AKR1C1: variants seen among roughly 807,000 people sequenced by gnomAD.
The protein encoded by AKR1C1 is 20 alpha-hydroxysteroid dehydrogenase.
Under a neutral mutation model 40.6 loss-of-function variants are expected in AKR1C1, and 32 were observed. The observed-to-expected ratio is 0.79, with a 90% CI of 0.60 to 1.06. The LOEUF is 1.06. Ranked by LOEUF, AKR1C1 falls within the 50% of genes least tolerant of loss-of-function variation. The pLI, the probability that AKR1C1 is intolerant of heterozygous loss-of-function variation, is 0.00. For synonymous variants in AKR1C1, 105 were observed against 134.2 expected, an observed-to-expected ratio of 0.78 and a Z score of 1.50; for missense variants, 320 against 363.5, an observed-to-expected ratio of 0.88 and a Z score of 0.97.
At chr10:4,972,552 C>G in intron 6 of AKR1C1, 32 bp from the exon 7 acceptor site, 2 of 1,611,168 alleles carry the variant, frequency 1.2e-6, no homozygotes, top group Non-Finnish European at 1.7e-6. Context: ...TCCCCAGCCT[C>G]AGGGCCTCAG....
intron 7 of AKR1C1, among the ~76,000 whole-genome samples, chr10:4,973,799 T>A (rs539400030): frequency 2.6e-5 from 4 of 152,120 alleles, no homozygotes; most frequent in African/African-American, 9.6e-5. Flanking sequence ...TGAATATATA[T>A]AAATTGATAT....
chr10:4,964,641 C>T (rs187053210), intron 1 of AKR1C1, among the ~76,000 whole-genome samples: 14 of 152,282 alleles, frequency 9.2e-5, no homozygotes, highest in Middle Eastern at 3.4e-3. Flanking sequence ...AAATTTGTTA[C>T]GTAAGTCAAT....
chr10:4,974,253 A>G (rs1588563504), intron 7 of AKR1C1, among the ~76,000 whole-genome samples: 1 of 151,964 alleles, frequency 6.6e-6, no homozygotes, highest in Non-Finnish European at 1.5e-5. Flanking sequence ...ATATAGATAT[A>G]TGACATATGT....
chr10:4,977,643 C>A, intron 8 of AKR1C1, 57 bp from the exon 9 acceptor site: 1 of 1,611,632 alleles, frequency 6.2e-7, no homozygotes, highest in East Asian at 2.2e-5. Flanking sequence ...CACTGCACTA[C>A]CCGCTAGTAA....
intron 8 of AKR1C1, among the ~76,000 whole-genome samples, chr10:4,977,420 G>A (rs1306182965): frequency 6.6e-6 from 1 of 150,440 alleles, no homozygotes; most frequent in Non-Finnish European, 1.5e-5. Flanking sequence ...ATATCTCTTT[G>A]CTCTGTTGAC....
chr10:4,982,668 C>T lies in AKR1C1; in HGVS notation c.*4926C>T, dbSNP rs1487759654. 2.1e-5 allele frequency: 6 copies of T among 290,466 alleles called. No homozygotes were observed. The highest frequency in any genetic ancestry group is 2.0e-5 in the Non-Finnish European group (3 of 149,076). The allele number at this position is 290,466 out of a possible 1,614,324, so 18.0% of individuals were successfully genotyped here. On this transcript the variant is annotated 3_prime_UTR_variant, in exon 9 of 9. Transcript: ENST00000380872. Reference sequence around the variant, plus strand: ...TTAGGAGCTTCATAGCCCCTCTTCCCCCATTGCCTGAGAAACCACTTTCCC... The same window carrying T: ...TTAGGAGCTTCATAGCCCCTCTTCCTCCATTGCCTGAGAAACCACTTTCCC...
chr10:4,970,634 A>C (rs1370827454), intron 5 of AKR1C1, among the ~76,000 whole-genome samples: 1 of 152,192 alleles, frequency 6.6e-6, no homozygotes, highest in Non-Finnish European at 1.5e-5. Context: ...GCAGCCATAA[A>C]AAATGATGAG....
In AKR1C1 at chr10:4,982,583, C is replaced by G. The variant is rs1237982467; in HGVS notation, c.*4841C>G. Reference sequence around the variant, plus strand: ...CAGTTAGAGTGCAGACCCACCTAACCCTGGACCCACTGGTGGTACCCATCC... The same window carrying G: ...CAGTTAGAGTGCAGACCCACCTAACGCTGGACCCACTGGTGGTACCCATCC... On this transcript the variant is annotated 3_prime_UTR_variant, in exon 9 of 9. Coordinates refer to ENST00000380872, the MANE Select transcript of AKR1C1 (RefSeq NM_001353.6). 2 of 216,716 alleles carry G rather than the reference C, an allele frequency of 9.2e-6. No homozygotes were observed. Among genetic ancestry groups the G allele is most frequent in the Non-Finnish European group, 1.9e-5 (2 of 108,102 alleles). 13.4% of individuals were successfully genotyped at this position (216,716 alleles called of 1,614,324 possible).
At position 4,977,958 on chromosome 10, in the gene AKR1C1, C is replaced by A; in HGVS notation, c.*216C>A. 1.6e-6 allele frequency: 1 copy of A among 627,092 alleles called. No homozygotes were observed. Among genetic ancestry groups the A allele is most frequent in the East Asian group, 3.2e-5 (1 of 31,546 alleles). 38.8% of individuals were successfully genotyped at this position (627,092 alleles called of 1,614,324 possible). On this transcript the variant is annotated 3_prime_UTR_variant, in exon 9 of 9. Transcript: ENST00000380872. ...AATTAAATGCTCTCTCCTAAAGATTCTTCACCTACTTTGGTCTCCATAACT... is the reference window on the plus strand; with the variant it reads ...AATTAAATGCTCTCTCCTAAAGATTATTCACCTACTTTGGTCTCCATAACT...
intron 2 of AKR1C1, 119 bp downstream of exon 2, chr10:4,966,200 C>T (rs1457237868): frequency 1.6e-5 from 24 of 1,484,572 alleles, no homozygotes; most frequent in Non-Finnish European, 2.2e-5. Flanking sequence ...ACGATTTATT[C>T]ACACTTACTC....
chr10:4,977,648 T>C (rs1836546868), intron 8 of AKR1C1, 52 bp from the exon 9 acceptor site: 22 of 1,611,952 alleles, frequency 1.4e-5, no homozygotes, highest in Non-Finnish European at 1.8e-5. Flanking sequence ...CACTACCCGC[T>C]AGTAACGGAG....
At chr10:4,970,496 C>G (rs1836406043) in intron 5 of AKR1C1, among the ~76,000 whole-genome samples, 2 of 151,904 alleles carry the variant, frequency 1.3e-5, no homozygotes, top group South Asian at 2.1e-4. Context: ...CAAATTGCAC[C>G]ACACTAGACT....
At position 4,979,565 on chromosome 10, in the gene AKR1C1, G is replaced by A. The variant is rs539385913; in HGVS notation, c.*1823G>A. 6.6e-6 allele frequency: 1 copy of A among 152,086 alleles called. No homozygotes were observed. Among genetic ancestry groups the A allele is most frequent in the Non-Finnish European group, 1.5e-5 (1 of 68,038 alleles). 9.4% of individuals were successfully genotyped at this position (152,086 alleles called of 1,614,324 possible). On this transcript the variant is annotated 3_prime_UTR_variant, in exon 9 of 9. Coordinates refer to ENST00000380872, the MANE Select transcript of AKR1C1 (RefSeq NM_001353.6). ...TTTTGTTAAAAGTTAGTAGTGAAGT[G>A]TGTAACGCTTAAGCAAACTTTCATA...
At chr10:4,967,430 C>G (rs1422384217) in intron 3 of AKR1C1, 1 of 1,003,104 alleles carries the variant, frequency 1.0e-6, no homozygotes, top group African/African-American at 1.7e-5. Context: ...GAGTTTCCAT[C>G]TTCTTGCCTC....
chr10:4,981,737 G>T lies in AKR1C1; in HGVS notation c.*3995G>T, dbSNP rs1294200042. ...TCTGGAAATTCAGGCCACAAGAGAA[G>T]GCTTTGATCCTGTGCGGACAAGTGC... On this transcript the variant is annotated 3_prime_UTR_variant, in exon 9 of 9. Transcript: ENST00000380872. 4 of 151,466 alleles carry T rather than the reference G, an allele frequency of 2.6e-5. No individual in the cohort carries two copies. Among genetic ancestry groups the T allele is most frequent in the African/African-American group, 9.7e-5 (4 of 41,354 alleles). 9.4% of individuals were successfully genotyped at this position (151,466 alleles called of 1,614,324 possible).
At chr10:4,969,822 A>T in intron 5 of AKR1C1, 1 of 1,417,296 alleles carries the variant, frequency 7.1e-7, no homozygotes, top group South Asian at 1.3e-5. Flanking sequence ...GTTTTATTTT[A>T]TGTTTTAAAA....
intron 5 of AKR1C1, among the ~76,000 whole-genome samples, chr10:4,970,165 C>T (rs886682279): frequency 3.3e-5 from 5 of 152,268 alleles, no homozygotes; most frequent in Middle Eastern, 3.4e-3. Flanking sequence ...CTAGAGACCT[C>T]TCAAAGCATG....
At chr10:4,976,186 AT>A (rs746409968) in intron 8 of AKR1C1, among the ~76,000 whole-genome samples, 132 of 151,980 alleles carry the variant, frequency 8.7e-4, no homozygotes, top group Middle Eastern at 6.8e-3. Context: ...AGCAGCCAAG[AT>A]CATTGCTGAA....
At chr10:4,964,388 T>A (rs1332170666) in intron 1 of AKR1C1, among the ~76,000 whole-genome samples, 1 of 152,132 alleles carries the variant, frequency 6.6e-6, no homozygotes, top group Non-Finnish European at 1.5e-5. Flanking sequence ...GTAATATAAA[T>A]TGACATGGAG....
Sources: allele counts gnomAD v4.1 joint callset (sites outside exome capture counted in the v4.1 genomes callset), GRCh38; gene constraint gnomAD v4.1.1; transcripts MANE v1.5; gene names NCBI Gene and HGNC (gene_info 2026-07-23, HGNC 2026-07-21).